Variants in AMELX observed in about 807,000 individuals in gnomAD.
The protein encoded by AMELX is amelogenin X-linked, also known as amelogenin, X isoform.
A neutral mutation model predicts 15.8 loss-of-function variants in AMELX; 9 were observed. That is an observed-to-expected ratio of 0.57 (90% confidence interval 0.34 to 0.99). The LOEUF is 0.99. Ranked by LOEUF, AMELX falls within the 50% of genes least tolerant of loss-of-function variation. AMELX has a pLI of 0.02. For synonymous variants in AMELX, 61 were observed against 58.8 expected, an observed-to-expected ratio of 1.04 and a Z score of -0.17; for missense variants, 107 against 156.2, an observed-to-expected ratio of 0.68 and a Z score of 1.68.
At chrX:11,298,007 T>G in intron 3 of AMELX, 1 of 888,849 alleles carries the variant, frequency 1.1e-6, no homozygotes, top group Non-Finnish European at 1.7e-6. Context: ...TCCTAGCATA[T>G]AAGAAAAGAT....
At chrX:11,298,335 C>A in intron 4 of AMELX, 58 bp downstream of exon 4, 2 of 1,150,969 alleles carry the variant, frequency 1.7e-6, no homozygotes, top group Non-Finnish European at 2.4e-6. Flanking sequence ...TTAAAATTCC[C>A]ATATTAAGTG....
At chrX:11,297,883 A>C (rs767923960) in intron 3 of AMELX, among the ~76,000 whole-genome samples, 20 of 112,497 alleles carry the variant, frequency 1.8e-4, no homozygotes, top group Non-Finnish European at 3.8e-4. Flanking sequence ...TTACAATGAA[A>C]AGAAGGAACT....
chrX:11,307,469 T>C, the AMELX span, among the ~76,000 whole-genome samples: 4 of 112,033 alleles, frequency 3.6e-5, no homozygotes, highest in African/African-American at 9.8e-5. Context: ...GCTCCTTCCA[T>C]AGGGTCCTGA....
At position 11,298,244 on chromosome X, in the gene AMELX, C is replaced by G; in HGVS notation, c.111C>G (p.Thr37=). 1 of 1,210,966 alleles carries G rather than the reference C, an allele frequency of 8.3e-7. No individual in the cohort carries two copies. Among genetic ancestry groups the G allele is most frequent in the Non-Finnish European group, 1.1e-6 (1 of 895,042 alleles). Residue 37 remains threonine (T), a synonymous_variant, in exon 4 of 6, where the codon ACC becomes ACG. Coordinates refer to ENST00000380714, the MANE Select transcript of AMELX (RefSeq NM_001142.2). The stretch of plus-strand genomic sequence containing the variant: ...TATCTTTTTCTCTTAAGGTGCTTAC[C>G]CCTTTGAAGTGGTACCAGAGCATAA... ...GYINFSYEVL[T]PLKWYQSIRP...
chrX:11,301,422 C>T (rs2048174289), downstream of AMELX, among the ~76,000 whole-genome samples: 2 of 111,640 alleles, frequency 1.8e-5, no homozygotes, highest in Non-Finnish European at 3.8e-5. Flanking sequence ...TTCTTTCTCA[C>T]TCATATTTAT....
In AMELX at chrX:11,298,293, G is replaced by A; in HGVS notation, c.144+16G>A. ...AAGGCCACCGGTATGTAGACATTTT[G>A]TTCCTTATTCCCTGAAAATATTAGG... On this transcript the variant is annotated intron_variant, in intron 4 of 5. Transcript: ENST00000380714. 1 of 1,206,981 alleles carries A rather than the reference G, an allele frequency of 8.3e-7. No individual in the cohort carries two copies. The highest frequency in any genetic ancestry group is 3.0e-5 in the East Asian group (1 of 33,828).
rs760464147 is a variant in AMELX, at chrX:11,294,769, C to T, written c.-12-8C>T. The T allele has an allele frequency of 3.3e-6, 4 of 1,210,332 alleles. No homozygotes were observed. Among genetic ancestry groups the T allele is most frequent in the Non-Finnish European group, 4.5e-6 (4 of 894,140 alleles). On this transcript the variant is annotated splice_region_variant and splice_polypyrimidine_tract_variant and intron_variant, in intron 1 of 5. Transcript: ENST00000380714. Reference sequence around the variant, plus strand: ...GATAAGAAAAGTGGATGTTGACTTACATTTCAGAACCATCAAGAAATGGGG... The same window carrying T: ...GATAAGAAAAGTGGATGTTGACTTATATTTCAGAACCATCAAGAAATGGGG...
At chrX:11,302,943 C>T (rs1300055315), downstream of AMELX, among the ~76,000 whole-genome samples, 4 of 112,193 alleles carry the variant, frequency 3.6e-5, no homozygotes, top group Non-Finnish European at 7.5e-5. Context: ...GAAGTTTTTC[C>T]TTTGGTAGTA....
At position 11,298,652 on chromosome X, in the gene AMELX, C is replaced by G. The variant is rs1569291657; in HGVS notation, c.249C>G (p.His83Gln). 10 of 1,211,357 alleles carry G rather than the reference C, an allele frequency of 8.3e-6. No homozygotes were observed. The highest frequency in any genetic ancestry group is 1.1e-5 in the Non-Finnish European group (10 of 895,446). Residue 83 changes from histidine (H) to glutamine (Q), a missense_variant, in exon 5 of 6, where the codon CAC becomes CAG. Coordinates refer to ENST00000380714, the MANE Select transcript of AMELX (RefSeq NM_001142.2). ...CGACTCACACCCTGCAGCCTCATCACCACATCCCAGTGGTGCCAGCTCAGC... is the reference window on the plus strand; with the variant it reads ...CGACTCACACCCTGCAGCCTCATCAGCACATCCCAGTGGTGCCAGCTCAGC... Reference protein sequence around the residue: ...HPPTHTLQPHHHIPVVPAQQP... With the variant: ...HPPTHTLQPHQHIPVVPAQQP...
intron 5 of AMELX, among the ~76,000 whole-genome samples, chrX:11,300,185 C>G (rs1025495635): frequency 1.8e-5 from 2 of 111,731 alleles, no homozygotes; most frequent in Non-Finnish European, 3.8e-5. Context: ...GTGCTCACAT[C>G]TTGACAAAGC....
At chrX:11,305,479 G>A (rs2147589388), downstream of AMELX, among the ~76,000 whole-genome samples, 1 of 112,416 alleles carries the variant, frequency 8.9e-6, no homozygotes, top group African/African-American at 3.2e-5. Context: ...TTTCTTGGGA[G>A]GTTACAAGAA....
chrX:11,304,783 T>A (rs1243068324), downstream of AMELX, among the ~76,000 whole-genome samples: 44 of 72,283 alleles, frequency 6.1e-4, no homozygotes, highest in African/African-American at 2.4e-3. Flanking sequence ...TTTACTTTTT[T>A]TTTTTTTTTT....
At position 11,296,700 on chromosome X, in the gene AMELX, A is replaced by G. The variant is rs1216656206; in HGVS notation, c.55-79A>G. 5.7e-6 allele frequency: 6 copies of G among 1,051,366 alleles called. No homozygotes were observed. The East Asian group carries it at 1.8e-4, about 32-fold the overall frequency. The allele number at this position is 1,051,366 out of a possible 1,213,427, so 86.6% of individuals were successfully genotyped here. On this transcript the variant is annotated intron_variant, in intron 2 of 5. Transcript: ENST00000380714. ...ATGTGAACAATTGCATACTGACTTAATCTCTTCCTCTCTCTTCTCTTCCTT... is the reference window on the plus strand; with the variant it reads ...ATGTGAACAATTGCATACTGACTTAGTCTCTTCCTCTCTCTTCTCTTCCTT...
At position 11,295,045 on chromosome X, in the gene AMELX, C is replaced by T. The variant is rs142795990; in HGVS notation, c.54+203C>T. ...CGCTACCAAAAATTCTGATTTGGTA[C>T]AGCTGGGGCGGGGCCCAGGACTCTG... On this transcript the variant is annotated intron_variant, in intron 2 of 5. Coordinates refer to ENST00000380714, the MANE Select transcript of AMELX (RefSeq NM_001142.2). Among the ~76,000 whole-genome samples the T allele has an allele frequency of 8.6e-3, 969 of 112,085 alleles. 17 individuals carry two copies. Among genetic ancestry groups the T allele is most frequent in the African/African-American group, 0.03 (911 of 30,796 alleles).
At chrX:11,297,838 T>C (rs915325688) in intron 3 of AMELX, among the ~76,000 whole-genome samples, 1 of 112,455 alleles carries the variant, frequency 8.9e-6, no homozygotes, top group Admixed American at 9.4e-5. Flanking sequence ...CATCATGTCA[T>C]ATTATTATGT....
At chrX:11,304,579 C>A (rs1478735210), downstream of AMELX, among the ~76,000 whole-genome samples, 2 of 109,281 alleles carry the variant, frequency 1.8e-5, no homozygotes, top group Non-Finnish European at 3.8e-5. Flanking sequence ...CAACACCAGG[C>A]AAGTGTCATG....
Position 11,298,633 on chromosome X carries a change from A to G in AMELX, c.230A>G (p.His77Arg). 8.3e-7 allele frequency: 1 copy of G among 1,210,580 alleles called. No individual in the cohort carries two copies. The highest frequency in any genetic ancestry group is 1.1e-6 in the Non-Finnish European group (1 of 895,227). ...PVLSQQHPPT[H>R]TLQPHHHIPV... Reference sequence around the variant, plus strand: ...CTGTCCCAACAGCACCCCCCGACTCACACCCTGCAGCCTCATCACCACATC... The same window carrying G: ...CTGTCCCAACAGCACCCCCCGACTCGCACCCTGCAGCCTCATCACCACATC... The change falls in exon 5 of 6, where the codon CAC (histidine) becomes CGC (arginine). Residue 77 changes from histidine to arginine, a missense_variant. Physicochemically the swap from His to Arg is conservative, Grantham distance 29. Coordinates refer to ENST00000380714, the MANE Select transcript of AMELX (RefSeq NM_001142.2).
the AMELX span, among the ~76,000 whole-genome samples, chrX:11,309,310 C>A: frequency 9.0e-6 from 1 of 111,370 alleles, no homozygotes; most frequent in South Asian, 3.9e-4. Flanking sequence ...CCCATACTCC[C>A]CACGCAGAGC....
In AMELX at chrX:11,296,645, A is replaced by G. The variant is rs1459832981; in HGVS notation, c.55-134A>G. ...CTCAAGTATATTCTGCACTATATAG[A>G]TTTTTTTAAAGTAGCTTCAGTCTCC... On this transcript the variant is annotated intron_variant, in intron 2 of 5. Transcript: ENST00000380714. 4.0e-6 allele frequency: 3 copies of G among 749,777 alleles called. No homozygotes were observed. In the East Asian group the frequency reaches 1.0e-4, roughly 26 times the overall value. 61.8% of individuals were successfully genotyped at this position (749,777 alleles called of 1,213,427 possible).
Sources: allele counts gnomAD v4.1 joint callset (sites outside exome capture counted in the v4.1 genomes callset), GRCh38; gene constraint gnomAD v4.1.1; transcripts MANE v1.5; gene names NCBI Gene and HGNC (gene_info 2026-07-23, HGNC 2026-07-21).